Variants in RNASEH2A observed in about 807,000 individuals in gnomAD.
The protein encoded by RNASEH2A is RNase H(35).
RNASEH2A carries 30 observed loss-of-function variants against 32.7 expected under a neutral mutation model. The observed-to-expected ratio is 0.92, with a 90% CI of 0.69 to 1.25. The LOEUF is 1.25. RNASEH2A is among the 50% of genes most tolerant of loss of function. RNASEH2A has a pLI of 0.00. For missense variants in RNASEH2A, 409 were observed against 398.1 expected (o/e 1.03, Z -0.23); for synonymous variants, 147 against 165.4 (o/e 0.89, Z 0.86).
rs768959460 is a variant in RNASEH2A at position 12,807,336 on chromosome 19, G to C, written c.323+7G>C. ...CTACCAGCATGCTTGGGCGGTGAGG[G>C]GTCCCCGGGAGGGGCAGCCAGCATG... On this transcript the variant is annotated splice_region_variant and intron_variant, in intron 3 of 7. Transcript: ENST00000221486. 1 of 1,614,162 alleles carries C rather than the reference G, an allele frequency of 6.2e-7. No homozygotes were observed. The highest frequency in any genetic ancestry group is 1.1e-5 in the South Asian group (1 of 91,080).
rs1969050422 is a variant in RNASEH2A, at chr19:12,810,064, G to A, written c.412-7G>A. 2 of 1,614,012 alleles carry A rather than the reference G, an allele frequency of 1.2e-6. No homozygotes were observed. Among genetic ancestry groups the A allele is most frequent in the South Asian group, 2.2e-5 (2 of 91,086 alleles). On this transcript the variant is annotated splice_region_variant and splice_polypyrimidine_tract_variant and intron_variant, in intron 4 of 7. Transcript: ENST00000221486. ...GTTCAATTAATATGTGTCTGTTGCTGTGGCAGGTATTCGTGGACACCGTAG... is the reference window on the plus strand; with the variant it reads ...GTTCAATTAATATGTGTCTGTTGCTATGGCAGGTATTCGTGGACACCGTAG...
chr19:12,807,396 C>T (rs781639221), intron 3 of RNASEH2A, 23 bp from the exon 4 acceptor site: 2 of 1,614,138 alleles, frequency 1.2e-6, no homozygotes, highest in Non-Finnish European at 8.5e-7. Flanking sequence ...ATGAGATTAA[C>T]TGGGCTCTGT....
At chr19:12,807,900 CCAACCCGGG>C in intron 4 of RNASEH2A, 1 of 307,948 alleles carries the variant, frequency 3.2e-6, no homozygotes, top group South Asian at 2.9e-5. Flanking sequence ...CCATTGCACT[CCAACCCGGG>C]CAACAGAGCA....
chr19:12,807,622 A>G (rs942752841), intron 4 of RNASEH2A, 116 bp downstream of exon 4: 2 of 925,134 alleles, frequency 2.2e-6, no homozygotes, highest in African/African-American at 3.3e-5. Context: ...CCTGGGTGAC[A>G]AAGGAAGCCC....
intron 4 of RNASEH2A, chr19:12,807,953 T>G: frequency 4.6e-6 from 1 of 216,324 alleles, no homozygotes; most frequent in Non-Finnish European, 9.3e-6. Flanking sequence ...AAATAAAAAA[T>G]AAACTAAAAA....
chr19:12,808,569 C>T (rs911645099), intron 4 of RNASEH2A, among the ~76,000 whole-genome samples: 15 of 152,134 alleles, frequency 9.9e-5, no homozygotes, highest in African/African-American at 7.2e-5. Context: ...CTCCTATCCC[C>T]TCCAATCTGT....
intron 4 of RNASEH2A, among the ~76,000 whole-genome samples, chr19:12,809,073 C>T (rs1969036364): frequency 6.6e-6 from 1 of 151,536 alleles, no homozygotes; most frequent in Non-Finnish European, 1.5e-5. Flanking sequence ...CTAGCCTGGG[C>T]AGAAAGATGG....
rs768625813 is a variant in RNASEH2A at position 12,806,738 on chromosome 19, C to T, written c.65C>T (p.Ala22Val). ...GRCRLSSPVP[A>V]VCRKEPCVLG... is the part of the protein sequence containing the mutation. ...TGTCGCCTGAGTTCGCCTGTGCCCG[C>T]GGTGTGCCGCAAGGAGCCTTGCGTC... Residue 22 changes from alanine to valine, a missense_variant, in exon 1 of 8, where the codon GCG (alanine) becomes GTG (valine). Ala to Val is a moderately conservative substitution (Grantham distance 64). Coordinates refer to ENST00000221486, the MANE Select transcript of RNASEH2A (RefSeq NM_006397.3). 13 of 1,570,120 alleles carry T rather than the reference C, an allele frequency of 8.3e-6. No individual in the cohort carries two copies. The Admixed American group carries it at 2.1e-4, about 25-fold the overall frequency.
At chr19:12,807,600 A>G in intron 4 of RNASEH2A, 94 bp downstream of exon 4, 1 of 1,037,964 alleles carries the variant, frequency 9.6e-7, no homozygotes, top group Non-Finnish European at 1.5e-6. Context: ...TGATCATGCC[A>G]CAGCACTCCA....
rs761569558 is a variant in RNASEH2A, at chr19:12,806,646, T to C, written c.-28T>C. On this transcript the variant is annotated 5_prime_UTR_variant, in exon 1 of 8. Transcript: ENST00000221486. ...GACCCGCTCCTGCAGTATTAGTTCT[T>C]GCAGCTGGTGGTGGCGGCTGAGGCG... 1.3e-6 allele frequency: 2 copies of C among 1,569,632 alleles called. No individual in the cohort carries two copies. The highest frequency in any genetic ancestry group is 1.7e-6 in the Non-Finnish European group (2 of 1,157,280).
At position 12,807,204 on chromosome 19, in the gene RNASEH2A, A is replaced by T; in HGVS notation, c.200-2A>T. ...CCCCTTCTCTTCCAAACCTCCTCCC[A>T]GACTCAAAGACCCTATTGGAGAGCG... On this transcript the variant is annotated splice_acceptor_variant, in intron 2 of 7. Coordinates refer to ENST00000221486, the MANE Select transcript of RNASEH2A (RefSeq NM_006397.3). LOFTEE classifies it high-confidence loss of function. 6.2e-7 allele frequency: 1 copy of T among 1,614,146 alleles called. No homozygotes were observed. The highest frequency in any genetic ancestry group is 8.5e-7 in the Non-Finnish European group (1 of 1,180,008).
At position 12,808,793 on chromosome 19, in the gene RNASEH2A, C is replaced by T. The variant is rs11879554; in HGVS notation, c.412-1278C>T. On this transcript the variant is annotated intron_variant, in intron 4 of 7. Transcript: ENST00000221486. ...GAATAACAAGGCAAAATAACCTTGA[C>T]GTAGGAATTGTATGCTGGGTATGGT... Among the ~76,000 whole-genome samples, 261 of 152,178 alleles carry T rather than the reference C, an allele frequency of 1.7e-3. 1 individual carries two copies. Among genetic ancestry groups the T allele is most frequent in the African/African-American group, 5.7e-3 (236 of 41,520 alleles).
chr19:12,809,728 G>A (rs555825540), intron 4 of RNASEH2A, among the ~76,000 whole-genome samples: 19 of 150,872 alleles, frequency 1.3e-4, no homozygotes, highest in South Asian at 4.2e-4. Flanking sequence ...TAAAAGCAGC[G>A]TGATAGAGAA....
In RNASEH2A at chr19:12,810,306, T is replaced by C. The variant is rs7247253; in HGVS notation, c.550-11T>C. The C allele has an allele frequency of 0.04, 63,844 of 1,614,024 alleles. 1,946 individuals carry two copies. Among genetic ancestry groups the C allele is most frequent in the African/African-American group, 0.15 (11,051 of 74,976 alleles). On this transcript the variant is annotated splice_polypyrimidine_tract_variant and intron_variant, in intron 5 of 7. Transcript: ENST00000221486. ...AAGGAGGGAGATTCCAGGTGCCTGT[T>C]TTGCCCACAGGTGGCCCGGGACCAG...
At position 12,813,112 on chromosome 19, in the gene RNASEH2A, C is replaced by T; in HGVS notation, c.667C>T (p.His223Tyr). ...DPKTKAWLKE[H>Y]VEPVFGFPQF... ...CAAGACAAAAGCGTGGTTGAAGGAG[C>T]ACGTGGAGCCTGTGTTCGGCTTCCC... Residue 223 changes from histidine to tyrosine, a missense_variant, in exon 7 of 8, where the codon CAC (histidine) becomes TAC (tyrosine). His to Tyr is a moderately conservative substitution (Grantham distance 83). Transcript: ENST00000221486. The T allele has an allele frequency of 6.2e-7, 1 of 1,614,152 alleles. No homozygotes were observed. The highest frequency in any genetic ancestry group is 2.2e-5 in the East Asian group (1 of 44,886).
chr19:12,812,104 C>T (rs529744221), intron 6 of RNASEH2A, among the ~76,000 whole-genome samples: 22 of 151,910 alleles, frequency 1.4e-4, no homozygotes, highest in African/African-American at 4.8e-4. Context: ...TGTGGTGGTG[C>T]GCACCTGTAG....
chr19:12,808,575 T>A (rs749835882), intron 4 of RNASEH2A, among the ~76,000 whole-genome samples: 1 of 152,062 alleles, frequency 6.6e-6, no homozygotes, highest in Admixed American at 6.6e-5. Context: ...TCCCCTCCAA[T>A]CTGTTCCCCA....
intron 6 of RNASEH2A, among the ~76,000 whole-genome samples, chr19:12,812,145 G>A (rs1319761350): frequency 1.3e-5 from 2 of 149,974 alleles, no homozygotes; most frequent in Admixed American, 1.3e-4. Context: ...GAGGTGAGAG[G>A]ATGGCTTGAG....
chr19:12,809,999 G>A (rs1315712208), intron 4 of RNASEH2A, 72 bp from the exon 5 acceptor site: 15 of 1,593,908 alleles, frequency 9.4e-6, no homozygotes, highest in Middle Eastern at 1.8e-4. Flanking sequence ...CAGGAAGAAC[G>A]TGCCAGGGCT....
Sources: gnomAD v4.1 joint callset for allele counts (sites outside exome capture counted in the v4.1 genomes callset) on GRCh38, gnomAD v4.1.1 for gene constraint, MANE v1.5 for transcripts, NCBI Gene and HGNC (gene_info 2026-07-23, HGNC 2026-07-21) for gene names.